The following HELT variants were observed in gnomAD, a reference collection of about 807,000 sequenced individuals.
HELT encodes hairy and enhancer of split-related protein HELT.
A neutral mutation model predicts 19.5 loss-of-function variants in HELT; 9 were observed. That is an observed-to-expected ratio of 0.46 (90% CI 0.28 to 0.80). The LOEUF is 0.80. Among genes scored for constraint, HELT ranks in the 30% least tolerant of loss-of-function variants. HELT has a pLI of 0.12. For synonymous variants in HELT, 162 were observed against 148.3 expected (o/e 1.09, Z -0.67); for missense variants, 366 against 326.3 (o/e 1.12, Z -0.94).
intron 2 of HELT, 120 bp from the exon 3 acceptor site, chr4:185,019,627 G>T: frequency 6.3e-7 from 1 of 1,599,256 alleles, no homozygotes; most frequent in Non-Finnish European, 8.5e-7. Context: ...AGCGCAGGGC[G>T]AACCTCAGGA....
chr4:185,019,052 C>T, intron 1 of HELT, 97 bp downstream of exon 1: 1 of 1,613,742 alleles, frequency 6.2e-7, no homozygotes, highest in Non-Finnish European at 8.5e-7. Flanking sequence ...AGGGAAGTGC[C>T]CGCACGGGAC....
In HELT at chr4:185,020,593, C is replaced by G. The variant is rs776114716; in HGVS notation, c.550C>G (p.Arg184Gly). ...TTTCCCCTGGCCGCCTGGCGCGGCC[C>G]GCAGCCCCGCGCTGCCCTACCTGCC... ...GPFPWPPGAA[R>G]SPALPYLPSA... is the part of the protein sequence containing the mutation. Residue 184 changes from arginine to glycine, a missense_variant, in exon 4 of 4, where the codon CGC becomes GGC. Physicochemically the swap from Arg to Gly is moderately radical, Grantham distance 125. Transcript: ENST00000515777. 6.3e-7 allele frequency: 1 copy of G among 1,594,172 alleles called. No individual in the cohort carries two copies. Among genetic ancestry groups the G allele is most frequent in the South Asian group, 1.1e-5 (1 of 90,234 alleles).
In HELT at chr4:185,020,857, T is replaced by C; in HGVS notation, c.*85T>C. On this transcript the variant is annotated 3_prime_UTR_variant, in exon 4 of 4. Transcript: ENST00000515777. ...ATATTGTACACATAATGTGTAAATA[T>C]TGTACCCCAAAAATCTGGGCTGGGG... The C allele has an allele frequency of 4.2e-6, 6 of 1,413,692 alleles. No individual in the cohort carries two copies. Among genetic ancestry groups the C allele is most frequent in the Non-Finnish European group, 5.5e-6 (6 of 1,086,608 alleles). 87.6% of individuals were successfully genotyped at this position (1,413,692 alleles called of 1,614,324 possible).
intron 1 of HELT, 40 bp downstream of exon 1, chr4:185,018,995 G>A (rs993533412): frequency 1.9e-6 from 3 of 1,613,946 alleles, no homozygotes; most frequent in East Asian, 2.2e-5. Context: ...CGCCCTGGTG[G>A]TGGAGGCATC....
Position 185,018,673 on chromosome 4 carries a change from G to C in HELT, c.-256G>C, listed in dbSNP as rs986382966. ...GATCTGCCCCCAGCTCGCCCCCCTC[G>C]GCTGCTAATTTTTTTTTTTTCTTAA... On this transcript the variant is annotated 5_prime_UTR_variant, in exon 1 of 4. Transcript: ENST00000515777. 4.6e-5 allele frequency among the ~76,000 whole-genome samples: 7 copies of C among 152,084 alleles called. No individual in the cohort carries two copies. The highest frequency in any genetic ancestry group is 1.4e-4 in the African/African-American group (6 of 41,406).
In HELT at chr4:185,019,214, C is replaced by G. The variant is rs1733983793; in HGVS notation, c.28-173C>G. On this transcript the variant is annotated intron_variant, in intron 1 of 3. Transcript: ENST00000515777. ...TGGAAGGGGAGCGCGCCAGCGCGGG[C>G]GTCAGAAGGCAGAGCTCACCTGGCC... is the stretch of plus-strand genomic sequence containing the variant. 7.0e-6 allele frequency: 9 copies of G among 1,287,536 alleles called. No individual in the cohort carries two copies. In the South Asian group the frequency reaches 1.4e-4, roughly 20 times the overall value. The allele number at this position is 1,287,536 out of a possible 1,614,324, so 79.8% of individuals were successfully genotyped here.
chr4:185,018,940 G>T lies in HELT; in HGVS notation c.12G>T (p.Lys4Asn). 6.2e-7 allele frequency: 1 copy of T among 1,609,684 alleles called. No individual in the cohort carries two copies. Among genetic ancestry groups the T allele is most frequent in the Non-Finnish European group, 8.5e-7 (1 of 1,177,188 alleles). MSDKLKERKRTPVS... is the reference protein window; with the variant it reads MSDNLKERKRTPVS... ...GCGTACTGACCAGGATGTCAGACAAGCTCAAGGAACGCAAAGTGAGTCGGC... is the reference window on the plus strand; with the variant it reads ...GCGTACTGACCAGGATGTCAGACAATCTCAAGGAACGCAAAGTGAGTCGGC... Residue 4 changes from lysine (K) to asparagine (N), a missense_variant, in exon 1 of 4, where the codon AAG becomes AAT. Transcript: ENST00000515777.
In HELT at chr4:185,020,433, G is replaced by T. The variant is rs753795140; in HGVS notation, c.390G>T (p.Ala130=). Residue 130 remains alanine, a synonymous_variant, in exon 4 of 4, where the codon GCG becomes GCT. Coordinates refer to ENST00000515777, the MANE Select transcript of HELT (RefSeq NM_001300781.2). ...AFLQSKARLG[A]EPAFPPLGSL... ...TGCAGTCCAAGGCCCGCCTGGGCGC[G>T]GAGCCCGCCTTTCCGCCGCTGGGTT... 4.3e-6 allele frequency: 7 copies of T among 1,614,130 alleles called. No individual in the cohort carries two copies. The highest frequency in any genetic ancestry group is 5.9e-6 in the Non-Finnish European group (7 of 1,180,030).
At chr4:185,019,872 T>A in intron 3 of HELT, 29 bp downstream of exon 3, 2 of 1,591,800 alleles carry the variant, frequency 1.3e-6, no homozygotes, top group Non-Finnish European at 1.7e-6. Flanking sequence ...ATGGGACGCC[T>A]GGGCCAGGCG....
intron 2 of HELT, 22 bp from the exon 3 acceptor site, chr4:185,019,725 G>A (rs1407495915): frequency 3.1e-6 from 5 of 1,612,930 alleles, no homozygotes; most frequent in South Asian, 1.1e-5. Flanking sequence ...GCCGCTGCGA[G>A]GGGCCCTTCC....
In HELT at chr4:185,020,436, G is replaced by T; in HGVS notation, c.393G>T (p.Glu131Asp). The T allele has an allele frequency of 6.2e-7, 1 of 1,614,088 alleles. No homozygotes were observed. The highest frequency in any genetic ancestry group is 1.3e-5 in the African/African-American group (1 of 75,076). ...FLQSKARLGA[E>D]PAFPPLGSLP... is the part of the protein sequence containing the mutation. ...AGTCCAAGGCCCGCCTGGGCGCGGA[G>T]CCCGCCTTTCCGCCGCTGGGTTCGC... is the stretch of plus-strand genomic sequence containing the variant. The change falls in exon 4 of 4, where the codon GAG becomes GAT. Residue 131 changes from glutamate to aspartate, a missense_variant. Physicochemically the swap from Glu to Asp is conservative, Grantham distance 45 (BLOSUM62 2). Transcript: ENST00000515777.
chr4:185,018,494 G>A lies in HELT; in HGVS notation c.-435G>A, dbSNP rs1016368619. Reference sequence around the variant, plus strand: ...GCCCCCCGGTGCCCGCGGCCGCTGCGCCCCTGCGCTCCGCGCCCGCGACTG... The same window carrying A: ...GCCCCCCGGTGCCCGCGGCCGCTGCACCCCTGCGCTCCGCGCCCGCGACTG... On this transcript the variant is annotated 5_prime_UTR_variant, in exon 1 of 4. Coordinates refer to ENST00000515777, the MANE Select transcript of HELT (RefSeq NM_001300781.2). Among the ~76,000 whole-genome samples the A allele has an allele frequency of 1.3e-5, 2 of 151,932 alleles. No individual in the cohort carries two copies. The highest frequency in any genetic ancestry group is 4.8e-5 in the African/African-American group (2 of 41,360).
rs112408470 is a variant in HELT, at chr4:185,019,876, C to T, written c.229+33C>T. The T allele has an allele frequency of 1.6e-3, 2,559 of 1,581,102 alleles. 43 individuals are homozygous for T. The African/African-American group carries it at 0.031, about 19-fold the overall frequency. ...CAGGTTAGGGAATGGGACGCCTGGG[C>T]CAGGCGCCTGCGCCACCCAGAGACC... On this transcript the variant is annotated intron_variant, in intron 3 of 3. Coordinates refer to ENST00000515777, the MANE Select transcript of HELT (RefSeq NM_001300781.2).
intron 1 of HELT, 21 bp from the exon 2 acceptor site, chr4:185,019,366 C>G (rs1367979008): frequency 1.3e-6 from 2 of 1,589,872 alleles, no homozygotes; most frequent in African/African-American, 2.7e-5. Context: ...CCATCCTAAA[C>G]ATACAACCCT....
At chr4:185,019,717 C>A in intron 2 of HELT, 30 bp from the exon 3 acceptor site, 4 of 1,612,478 alleles carry the variant, frequency 2.5e-6, no homozygotes, top group Non-Finnish European at 3.4e-6. Flanking sequence ...GGCGCTGGGC[C>A]GCTGCGAGGG....
At chr4:185,019,622 A>T (rs1220182250) in intron 2 of HELT, 125 bp from the exon 3 acceptor site, 2 of 1,595,766 alleles carry the variant, frequency 1.3e-6, no homozygotes, top group Non-Finnish European at 1.7e-6. Flanking sequence ...GCCTGAGCGC[A>T]GGGCGAACCT....
Position 185,018,918 on chromosome 4 carries a change from T to C in HELT, c.-11T>C, listed in dbSNP as rs1733972686. On this transcript the variant is annotated 5_prime_UTR_variant, in exon 1 of 4. Coordinates refer to ENST00000515777, the MANE Select transcript of HELT (RefSeq NM_001300781.2). ...CGCCACCGCCTCTCCCGAGGGCGCGTACTGACCAGGATGTCAGACAAGCTC... is the reference window on the plus strand; with the variant it reads ...CGCCACCGCCTCTCCCGAGGGCGCGCACTGACCAGGATGTCAGACAAGCTC... 1 of 1,595,992 alleles carries C rather than the reference T, an allele frequency of 6.3e-7. No individual in the cohort carries two copies. The highest frequency in any genetic ancestry group is 8.6e-7 in the Non-Finnish European group (1 of 1,168,882).
intron 3 of HELT, 62 bp downstream of exon 3, chr4:185,019,905 G>C: frequency 7.1e-7 from 1 of 1,405,976 alleles, no homozygotes; most frequent in Non-Finnish European, 9.9e-7. Context: ...AGAGACCCTG[G>C]GGCTGGGAGG....
At chr4:185,019,040 G>A (rs760211093) in intron 1 of HELT, 85 bp downstream of exon 1, 1 of 1,614,014 alleles carries the variant, frequency 6.2e-7, no homozygotes, top group Non-Finnish European at 8.5e-7. Flanking sequence ...TGGACCGATG[G>A]CAGGGAAGTG....
Sources: gnomAD v4.1 joint callset for allele counts (sites outside exome capture counted in the v4.1 genomes callset) on GRCh38, gnomAD v4.1.1 for gene constraint, MANE v1.5 for transcripts, NCBI Gene and HGNC (gene_info 2026-07-23, HGNC 2026-07-21) for gene names.